Variants in TAFA1 observed in about 807,000 individuals in gnomAD.
TAFA1 encodes chemokine-like protein TAFA-1.
A neutral mutation model predicts 18.5 loss-of-function variants in TAFA1; 4 were observed. The ratio of observed to expected loss-of-function variants is 0.22; its 90% CI spans 0.11 to 0.49. TAFA1 has a LOEUF of 0.49. Among genes scored for constraint, TAFA1 ranks in the 20% least tolerant of loss-of-function variants. The pLI is 0.98. For synonymous variants in TAFA1, 56 were observed against 55.2 expected, an observed-to-expected ratio of 1.01 and a Z score of -0.06; for missense variants, 147 against 169.0, an observed-to-expected ratio of 0.87 and a Z score of 0.72.
At chr3:68,516,926 A>G (rs1338488922) in intron 3 of TAFA1, among the ~76,000 whole-genome samples, 1 of 152,042 alleles carries the variant, frequency 6.6e-6, no homozygotes, top group Non-Finnish European at 1.5e-5. Flanking sequence ...GGCATGCGCC[A>G]CCACACCTAG....
chr3:68,516,730 G>A (rs973974645), intron 3 of TAFA1, among the ~76,000 whole-genome samples: 1 of 152,150 alleles, frequency 6.6e-6, no homozygotes, highest in Non-Finnish European at 1.5e-5. Context: ...TCAGATAATA[G>A]TACAGGTGAC....
At chr3:68,123,430 G>A (rs781267546) in intron 2 of TAFA1, among the ~76,000 whole-genome samples, 5 of 152,098 alleles carry the variant, frequency 3.3e-5, no homozygotes, top group Non-Finnish European at 7.4e-5. Flanking sequence ...TTCCTCTTGC[G>A]CAACTTTGCC....
At chr3:68,191,366 T>C (rs1302851695) in intron 2 of TAFA1, among the ~76,000 whole-genome samples, 1 of 151,756 alleles carries the variant, frequency 6.6e-6, no homozygotes, top group Non-Finnish European at 1.5e-5. Context: ...AGCATGGCGG[T>C]ATTTATTAAG....
At position 68,378,266 on chromosome 3, in the gene TAFA1, A is replaced by G. The variant is rs557163581; in HGVS notation, c.119-39014A>G. Reference sequence around the variant, plus strand: ...GGCTGCCATGGCTGTGTGAGCTCACATCTTGCATCAACATGCCAAGAACAT... The same window carrying G: ...GGCTGCCATGGCTGTGTGAGCTCACGTCTTGCATCAACATGCCAAGAACAT... On this transcript the variant is annotated intron_variant, in intron 2 of 4. Transcript: ENST00000478136. 7.2e-5 allele frequency among the ~76,000 whole-genome samples: 11 copies of G among 152,328 alleles called. No homozygotes were observed. In the East Asian group the frequency reaches 1.4e-3, roughly 19 times the overall value.
intron 2 of TAFA1, among the ~76,000 whole-genome samples, chr3:68,282,228 A>T (rs1420627483): frequency 6.6e-6 from 1 of 152,200 alleles, no homozygotes; most frequent in African/African-American, 2.4e-5. Flanking sequence ...ACTATAAATC[A>T]AGATGAGATT....
intron 2 of TAFA1, among the ~76,000 whole-genome samples, chr3:68,329,699 C>T (rs1185218143): frequency 6.6e-6 from 1 of 152,162 alleles, no homozygotes; most frequent in East Asian, 1.9e-4. Context: ...GCTGGTTAAC[C>T]TTACACTTTG....
At chr3:68,391,311 A>G (rs757470600) in intron 2 of TAFA1, among the ~76,000 whole-genome samples, 6 of 152,164 alleles carry the variant, frequency 3.9e-5, no homozygotes, top group Non-Finnish European at 8.8e-5. Context: ...AAGATTAGAG[A>G]AAAAAGAGAA....
At chr3:67,995,353 C>T in the TAFA1 span, among the ~76,000 whole-genome samples, 3 of 151,840 alleles carry the variant, frequency 2.0e-5, no homozygotes, top group Non-Finnish European at 4.4e-5. Context: ...CTCCAGAGTT[C>T]CTGATTTGAT....
At chr3:68,083,140 G>C (rs973467351) in intron 2 of TAFA1, among the ~76,000 whole-genome samples, 2 of 152,130 alleles carry the variant, frequency 1.3e-5, no homozygotes, top group African/African-American at 2.4e-5. Flanking sequence ...GTGAAGGCTA[G>C]GTCTTATGTC....
intron 3 of TAFA1, among the ~76,000 whole-genome samples, chr3:68,418,730 A>G (rs1199647748): frequency 1.3e-5 from 2 of 152,194 alleles, no homozygotes; most frequent in Non-Finnish European, 1.5e-5. Context: ...GTGCTCCAGA[A>G]AAACTGATGA....
At chr3:68,248,535 G>A (rs2067128367) in intron 2 of TAFA1, among the ~76,000 whole-genome samples, 1 of 152,048 alleles carries the variant, frequency 6.6e-6, no homozygotes, top group African/African-American at 2.4e-5. Context: ...CAGTTGACCT[G>A]ATTGGTTGGA....
At chr3:68,079,699 C>T (rs1490680974) in intron 2 of TAFA1, among the ~76,000 whole-genome samples, 2 of 152,034 alleles carry the variant, frequency 1.3e-5, no homozygotes, top group African/African-American at 2.4e-5. Flanking sequence ...AACTTGTGTT[C>T]TTTTACATTT....
intron 3 of TAFA1, among the ~76,000 whole-genome samples, chr3:68,529,435 CTAAAAAAAA>C (rs1298058895): frequency 2.0e-5 from 1 of 49,872 alleles, no homozygotes; most frequent in African/African-American, 8.6e-5. Flanking sequence ...TCACCATTCT[CTAAAAAAAA>C]AAAAAAAAAA....
At chr3:68,018,178 A>G (rs1202796242) in intron 2 of TAFA1, among the ~76,000 whole-genome samples, 1 of 152,222 alleles carries the variant, frequency 6.6e-6, no homozygotes, top group Admixed American at 6.5e-5. Flanking sequence ...CTGCCTTATC[A>G]GTGTACATTG....
chr3:68,489,498 C>T (rs1157249638), intron 3 of TAFA1, among the ~76,000 whole-genome samples: 1 of 152,186 alleles, frequency 6.6e-6, no homozygotes, highest in African/African-American at 2.4e-5. Flanking sequence ...TCAATGTTCA[C>T]TCTGTATTGT....
At chr3:68,204,855 A>G (rs1271010508) in intron 2 of TAFA1, among the ~76,000 whole-genome samples, 2 of 151,860 alleles carry the variant, frequency 1.3e-5, no homozygotes, top group South Asian at 2.1e-4. Flanking sequence ...ATATACAGTT[A>G]CCTAGTCTAC....
intron 2 of TAFA1, among the ~76,000 whole-genome samples, chr3:68,189,608 A>C (rs917381026): frequency 1.3e-5 from 2 of 151,820 alleles, no homozygotes; most frequent in African/African-American, 4.8e-5. Context: ...CTCAGTCAAG[A>C]AAGGGAGCAA....
intron 2 of TAFA1, among the ~76,000 whole-genome samples, chr3:68,380,359 G>T (rs1421664051): frequency 6.6e-6 from 1 of 152,160 alleles, no homozygotes; most frequent in African/African-American, 2.4e-5. Context: ...TTCCACAATG[G>T]TTGAACTAGT....
intron 2 of TAFA1, among the ~76,000 whole-genome samples, chr3:68,148,921 G>A (rs952829422): frequency 6.6e-6 from 1 of 152,158 alleles, no homozygotes. Flanking sequence ...CTTTTTCAAA[G>A]AAGTGATAAG....
Sources: allele counts gnomAD v4.1 joint callset (sites outside exome capture counted in the v4.1 genomes callset), GRCh38; gene constraint gnomAD v4.1.1; transcripts MANE v1.5; gene names NCBI Gene and HGNC (gene_info 2026-07-23, HGNC 2026-07-21).